The following UGGT2 variants were observed in gnomAD, a reference collection of about 807,000 sequenced individuals.
UGGT2 encodes UDP-glucose glycoprotein glucosyltransferase 2.
A neutral mutation model predicts 192.1 loss-of-function variants in UGGT2; 180 were observed. That is an observed-to-expected ratio of 0.94 (90% CI 0.83 to 1.06). The LOEUF is 1.06. Ranked by LOEUF, UGGT2 falls within the 50% of genes least tolerant of loss-of-function variation. The pLI is 0.00. For missense variants in UGGT2, 1,849 were observed against 1,795.7 expected (o/e 1.03, Z -0.54); for synonymous variants, 580 against 591.0 (o/e 0.98, Z 0.27).
rs377439691 is a variant in UGGT2, at chr13:95,902,892, T to C, written c.2464A>G (p.Ile822Val). Residue 822 changes from isoleucine to valine, a missense_variant, in exon 21 of 39, where the codon ATT (isoleucine) becomes GTT (valine). Physicochemically the swap from Ile to Val is conservative, Grantham distance 29 (BLOSUM62 3). Transcript: ENST00000376747. ...GTTTTAATTTTATCTCCAGAGTAAATAGCTGTAGCAATTTCTTCCTTTGCC... is the reference window on the plus strand; with the variant it reads ...GTTTTAATTTTATCTCCAGAGTAAACAGCTGTAGCAATTTCTTCCTTTGCC... ...QLAKEEIATA[I>V]YSGDKIKTFL... 1.8e-4 allele frequency: 285 copies of C among 1,613,478 alleles called. No individual in the cohort carries two copies. The highest frequency in any genetic ancestry group is 2.5e-4 in the South Asian group (23 of 91,058).
At chr13:95,821,049 CGT>C (rs970143565) in intron 38 of UGGT2, among the ~76,000 whole-genome samples, 5 of 152,028 alleles carry the variant, frequency 3.3e-5, no homozygotes, top group African/African-American at 1.2e-4. Context: ...CTGCTACAAA[CGT>C]GTGTGCATGT....
At chr13:95,975,207 G>C (rs1256771151) in intron 10 of UGGT2, among the ~76,000 whole-genome samples, 1 of 152,148 alleles carries the variant, frequency 6.6e-6, no homozygotes, top group African/African-American at 2.4e-5. Context: ...ACCTTGCCTG[G>C]AGGAAATTTA....
At chr13:95,878,752 G>C (rs2047412084) in intron 27 of UGGT2, among the ~76,000 whole-genome samples, 1 of 152,120 alleles carries the variant, frequency 6.6e-6, no homozygotes, top group Admixed American at 6.6e-5. Flanking sequence ...TTAGGATATA[G>C]ACTATTTGGA....
chr13:95,954,663 C>G (rs117841497), intron 12 of UGGT2, among the ~76,000 whole-genome samples: 70 of 152,292 alleles, frequency 4.6e-4, no homozygotes, highest in Non-Finnish European at 7.9e-4. Flanking sequence ...CTGGAAGGCA[C>G]CTGCTTCCAG....
intron 1 of UGGT2, among the ~76,000 whole-genome samples, chr13:96,047,123 G>C (rs181749066): frequency 6.1e-4 from 93 of 152,300 alleles, no homozygotes; most frequent in Non-Finnish European, 1.2e-3. Context: ...AGAGAGTGGT[G>C]CTTCTCCCAG....
chr13:95,824,287 A>G (rs544446880), intron 38 of UGGT2, among the ~76,000 whole-genome samples: 1 of 141,998 alleles, frequency 7.0e-6, no homozygotes, highest in South Asian at 2.3e-4. Flanking sequence ...TCTTTTCATA[A>G]TGAAATTTCC....
intron 15 of UGGT2, among the ~76,000 whole-genome samples, chr13:95,942,899 T>C (rs916168865): frequency 2.6e-5 from 4 of 152,152 alleles, no homozygotes; most frequent in Admixed American, 2.0e-4. Context: ...TGTTTTAAAG[T>C]TTTGTTTTCC....
At chr13:95,803,440 A>C (rs1466483486) in intron 38 of UGGT2, among the ~76,000 whole-genome samples, 1 of 151,964 alleles carries the variant, frequency 6.6e-6, no homozygotes, top group Non-Finnish European at 1.5e-5. Flanking sequence ...TTGTATGTTT[A>C]GTAGAGACGG....
intron 7 of UGGT2, among the ~76,000 whole-genome samples, chr13:95,993,969 G>C (rs1045028974): frequency 4.0e-5 from 6 of 151,880 alleles, no homozygotes; most frequent in African/African-American, 1.5e-4. Context: ...GGAAAAAAAG[G>C]GGGGGGTATA....
intron 26 of UGGT2, chr13:95,887,504 C>T: frequency 3.3e-6 from 1 of 305,054 alleles, no homozygotes; most frequent in South Asian, 3.1e-5. Flanking sequence ...CTAATTTTAT[C>T]CTAATGCCCC....
intron 15 of UGGT2, among the ~76,000 whole-genome samples, chr13:95,945,625 A>G (rs1277754424): frequency 6.6e-6 from 1 of 152,176 alleles, no homozygotes; most frequent in Non-Finnish European, 1.5e-5. Flanking sequence ...TAATTTCTGA[A>G]TATCTTCAGG....
intron 27 of UGGT2, 117 bp downstream of exon 27, chr13:95,884,373 TA>T: frequency 2.3e-6 from 2 of 860,254 alleles, no homozygotes; most frequent in Non-Finnish European, 3.2e-6. Flanking sequence ...CCTAGAATCA[TA>T]AAAAAGAATA....
intron 1 of UGGT2, among the ~76,000 whole-genome samples, chr13:96,046,206 G>A (rs1169342219): frequency 6.6e-6 from 1 of 151,930 alleles, no homozygotes; most frequent in Non-Finnish European, 1.5e-5. Context: ...ACTGACCTTC[G>A]AGAAAGCAAA....
intron 10 of UGGT2, among the ~76,000 whole-genome samples, chr13:95,978,749 T>G (rs1039821895): frequency 2.6e-5 from 4 of 152,200 alleles, no homozygotes; most frequent in East Asian, 1.9e-4. Context: ...GATTAAAATT[T>G]GAAGTCAAAT....
At chr13:95,890,388 G>A (rs1255410715) in intron 25 of UGGT2, among the ~76,000 whole-genome samples, 2 of 152,074 alleles carry the variant, frequency 1.3e-5, no homozygotes, top group Non-Finnish European at 2.9e-5. Flanking sequence ...CAGCTGATTT[G>A]GTTTCTGGAG....
chr13:95,947,872 G>T lies in UGGT2; in HGVS notation c.1541+124C>A, dbSNP rs538284221. ...ATATAATACTTCACAACGTGCAGCT[G>T]TGTTATGTCAGGCACTAGAGCTAAC... On this transcript the variant is annotated intron_variant, in intron 14 of 38. Coordinates refer to ENST00000376747, the MANE Select transcript of UGGT2 (RefSeq NM_020121.4). The T allele has an allele frequency of 1.0e-5, 7 of 677,120 alleles. No individual in the cohort carries two copies. The East Asian group carries it at 2.0e-4, about 19-fold the overall frequency. 41.9% of individuals were successfully genotyped at this position (677,120 alleles called of 1,614,324 possible). A position where few individuals can be genotyped will look rare whatever the true frequency, so the allele number is the denominator to read the frequency against.
At chr13:95,972,490 G>T in intron 11 of UGGT2, 90 bp downstream of exon 11, 1 of 1,152,546 alleles carries the variant, frequency 8.7e-7, no homozygotes, top group Non-Finnish European at 1.2e-6. Context: ...TCTTTAAAGT[G>T]ATCTTCATAT....
At chr13:96,037,028 T>C (rs899663022) in intron 1 of UGGT2, among the ~76,000 whole-genome samples, 2 of 152,242 alleles carry the variant, frequency 1.3e-5, no homozygotes, top group Non-Finnish European at 2.9e-5. Flanking sequence ...CAAAAAATTC[T>C]ACCCAGAGAA....
At position 96,013,269 on chromosome 13, in the gene UGGT2, T is replaced by C. The variant is rs201017188; in HGVS notation, c.660+38A>G. ...GATTATCATAATAATTGTTTTTTTC[T>C]ACAGCCAAAAGCAACCTTGGAAAAA... On this transcript the variant is annotated intron_variant, in intron 5 of 38. Coordinates refer to ENST00000376747, the MANE Select transcript of UGGT2 (RefSeq NM_020121.4). The C allele has an allele frequency of 2.6e-6, 4 of 1,522,560 alleles. No homozygotes were observed. In the African/African-American group the frequency reaches 5.8e-5, roughly 22 times the overall value. The allele number at this position is 1,522,560 out of a possible 1,614,324, so 94.3% of individuals were successfully genotyped here.
Sources: allele counts gnomAD v4.1 joint callset (sites outside exome capture counted in the v4.1 genomes callset), GRCh38; gene constraint gnomAD v4.1.1; transcripts MANE v1.5; gene names NCBI Gene and HGNC (gene_info 2026-07-23, HGNC 2026-07-21).